POLR3E: variants seen among roughly 807,000 people sequenced by gnomAD.
The protein encoded by POLR3E is RNA polymerase III subunit E.
In POLR3E, 41 loss-of-function variants were observed where a neutral mutation model predicts 96.6. The ratio of observed to expected loss-of-function variants is 0.42; its 90% CI spans 0.33 to 0.55. The LOEUF (loss-of-function observed/expected upper bound fraction) is 0.55, where lower values mean the gene tolerates loss of function less well. POLR3E is among the 20% of genes least tolerant of loss of function. The probability of loss-of-function intolerance (pLI) is 0.06; values close to 1 mark genes in which losing one functional copy is unlikely to be tolerated. For synonymous variants in POLR3E, 396 were observed against 383.6 expected (o/e 1.03, Z -0.38); for missense variants, 849 against 952.1 (o/e 0.89, Z 1.43).
chr16:22,306,707 G>A (rs1485793508), intron 3 of POLR3E, among the ~76,000 whole-genome samples: 2 of 152,200 alleles, frequency 1.3e-5, no homozygotes, highest in Admixed American at 6.5e-5. Flanking sequence ...TTTTTATGAT[G>A]AACGTGAATT....
intron 16 of POLR3E, among the ~76,000 whole-genome samples, chr16:22,324,985 G>C (rs2048548730): frequency 6.6e-6 from 1 of 152,012 alleles, no homozygotes; most frequent in African/African-American, 2.4e-5. Flanking sequence ...CAAGAGCTGG[G>C]GCCTGGGGAC....
In POLR3E at chr16:22,332,146, A is replaced by T; in HGVS notation, c.2031A>T (p.Gly677=). The change falls in exon 20 of 21, where the codon GGA becomes GGT. Residue 677 remains glycine, a synonymous_variant. Coordinates refer to ENST00000299853, the MANE Select transcript of POLR3E (RefSeq NM_018119.4). ...MIQSRLTQEC[G]EDLSKQEVDK... is the part of the protein sequence containing the mutation. ...AGTCTCGGTTGACTCAAGAGTGTGG[A>T]GAAGATCTCAGTAAACAGGAGGTGG... The T allele has an allele frequency of 1.2e-6, 2 of 1,613,626 alleles. No individual in the cohort carries two copies. Among genetic ancestry groups the T allele is most frequent in the Non-Finnish European group, 1.7e-6 (2 of 1,179,542 alleles).
rs1567327037 is a variant in POLR3E, at chr16:22,324,612, C to T, written c.1238C>T (p.Pro413Leu). 6 of 1,613,788 alleles carry T rather than the reference C, an allele frequency of 3.7e-6. No individual in the cohort carries two copies. Among genetic ancestry groups the T allele is most frequent in the Non-Finnish European group, 4.2e-6 (5 of 1,179,918 alleles). The change falls in exon 16 of 21, where the codon CCG becomes CTG. Residue 413 changes from proline (P) to leucine (L), a missense_variant. By Grantham distance (98) the Pro-to-Leu change is moderately conservative (BLOSUM62 -3). Transcript: ENST00000299853. ...PYDGEFIKKHPDVVQRQHMLW... is the reference protein window; with the variant it reads ...PYDGEFIKKHLDVVQRQHMLW... ...GATGGGGAGTTCATCAAGAAGCACC[C>T]GGATGTGGTCCAGCGGCAGCACATG... is the stretch of plus-strand genomic sequence containing the variant.
chr16:22,323,607 T>G (rs1167363787), intron 14 of POLR3E, among the ~76,000 whole-genome samples: 1 of 152,124 alleles, frequency 6.6e-6, no homozygotes, highest in East Asian at 1.9e-4. Flanking sequence ...CTTCTCTTCC[T>G]GAAGGAGCCT....
intron 3 of POLR3E, chr16:22,305,426 A>G (rs1168374275): frequency 2.9e-6 from 2 of 694,204 alleles, no homozygotes; most frequent in South Asian, 3.0e-5. Flanking sequence ...TGCAGCAGTT[A>G]AAGCTGGGGC....
At position 22,328,512 on chromosome 16, in the gene POLR3E, T is replaced by TC. The variant is rs762338095; in HGVS notation, c.1876dup (p.Gln626ProfsTer8). 20 of 1,613,566 alleles carry TC rather than the reference T, an allele frequency of 1.2e-5. No homozygotes were observed. The highest frequency in any genetic ancestry group is 2.2e-5 in the East Asian group (1 of 44,846). On this transcript the variant is annotated frameshift_variant, in exon 19 of 21. Coordinates refer to ENST00000299853, the MANE Select transcript of POLR3E (RefSeq NM_018119.4). LOFTEE classifies it high-confidence loss of function. The stretch of plus-strand genomic sequence containing the variant: ...ACTCACCCCTGGGCCTTGGTCAGTT[T>TC]CCCCCCCAGACTGCTGCTTCCCCGG...
Position 22,322,556 on chromosome 16 carries a change from C to T in POLR3E, c.987-294C>T, listed in dbSNP as rs545408907. The stretch of plus-strand genomic sequence containing the variant: ...GGTCCCGGGCTGTTCCTCACCTTGT[C>T]TGTCTCTGAGCCCGTGACCTCTCCC... On this transcript the variant is annotated intron_variant, in intron 13 of 20. Coordinates refer to ENST00000299853, the MANE Select transcript of POLR3E (RefSeq NM_018119.4). The surrounding 1 kb of genome is among the most constrained non-coding windows in gnomAD (Gnocchi z 5.2). Among the ~76,000 whole-genome samples the T allele has an allele frequency of 6.9e-4, 105 of 152,246 alleles. No homozygotes were observed. Among genetic ancestry groups the T allele is most frequent in the African/African-American group, 2.5e-3 (102 of 41,554 alleles).
At chr16:22,329,868 G>T (rs1462584058) in intron 19 of POLR3E, among the ~76,000 whole-genome samples, 1 of 149,818 alleles carries the variant, frequency 6.7e-6, no homozygotes, top group Non-Finnish European at 1.5e-5. Context: ...GCCTCAAGCA[G>T]TTCTCCTGCC....
intron 19 of POLR3E, among the ~76,000 whole-genome samples, chr16:22,330,350 G>A (rs1286466068): frequency 2.0e-5 from 3 of 152,172 alleles, no homozygotes; most frequent in Non-Finnish European, 2.9e-5. Flanking sequence ...CTTCCAAAGT[G>A]CTGGGATTAC....
In POLR3E at chr16:22,318,823, C is replaced by T; in HGVS notation, c.866-3C>T. ...TGTCTGATGTCTCCTGCGTCCTCCT[C>T]AGTGAAGGTCATGCCTTTTGCCAAC... On this transcript the variant is annotated splice_polypyrimidine_tract_variant and splice_region_variant and intron_variant, in intron 12 of 20. Transcript: ENST00000299853. The surrounding 1 kb of genome is among the most constrained non-coding windows in gnomAD (Gnocchi z 5.0). The T allele has an allele frequency of 1.2e-6, 2 of 1,612,458 alleles. No individual in the cohort carries two copies. The highest frequency in any genetic ancestry group is 1.3e-5 in the African/African-American group (1 of 74,812).
chr16:22,297,589 C>G (rs1353086892), intron 1 of POLR3E, 52 bp downstream of exon 1: 1 of 152,470 alleles, frequency 6.6e-6, no homozygotes, highest in Non-Finnish European at 1.5e-5. Flanking sequence ...GGACCGCACT[C>G]ACGACGTGGG....
chr16:22,327,611 A>T (rs1167490862), intron 18 of POLR3E: 1 of 152,028 alleles, frequency 6.6e-6, no homozygotes, highest in African/African-American at 2.4e-5. Flanking sequence ...TGACAAGGAG[A>T]CTGTATTGTA....
rs556801821 is a variant in POLR3E, at chr16:22,308,276, G to A, written c.165+51G>A. On this transcript the variant is annotated intron_variant, in intron 4 of 20. Coordinates refer to ENST00000299853, the MANE Select transcript of POLR3E (RefSeq NM_018119.4). ...GGGGCCGAAAGAGAGGGTGATGAGG[G>A]TGGGAGCTGGTGGAGGCGAGAAGCT... 6.5e-6 allele frequency: 9 copies of A among 1,390,732 alleles called. No homozygotes were observed. The East Asian group carries it at 1.1e-4, about 18-fold the overall frequency. 86.1% of individuals were successfully genotyped at this position (1,390,732 alleles called of 1,614,324 possible).
chr16:22,323,822 C>T (rs996526226), intron 14 of POLR3E, among the ~76,000 whole-genome samples: 2 of 152,222 alleles, frequency 1.3e-5, no homozygotes, highest in Admixed American at 1.3e-4. Flanking sequence ...TCTATGTTAG[C>T]GTAGGTGATA....
chr16:22,325,153 G>A, intron 16 of POLR3E, 52 bp from the exon 17 acceptor site: 2 of 1,377,704 alleles, frequency 1.5e-6, no homozygotes, highest in South Asian at 2.3e-5. Context: ...CTCTTGTGAA[G>A]CAGATGGTAG....
In POLR3E at chr16:22,322,272, G is replaced by A. The variant is rs2048485806; in HGVS notation, c.987-578G>A. On this transcript the variant is annotated intron_variant, in intron 13 of 20. Coordinates refer to ENST00000299853, the MANE Select transcript of POLR3E (RefSeq NM_018119.4). This position sits in a 1 kb window ranked among gnomAD's most constrained non-coding sequence, Gnocchi z 5.2. ...AGCCGGGGTTGCAGGGCCTGTGGCT[G>A]GAGCTGGGTCAGGGCTACACTCTGG... Among the ~76,000 whole-genome samples the A allele has an allele frequency of 6.6e-6, 1 of 152,180 alleles. No homozygotes were observed.
At chr16:22,331,230 C>T (rs546091464) in intron 19 of POLR3E, among the ~76,000 whole-genome samples, 56 of 152,130 alleles carry the variant, frequency 3.7e-4, no homozygotes, top group African/African-American at 1.3e-3. Context: ...CCGCCTGCCT[C>T]GGTCTCCCCA....
chr16:22,299,657 G>T (rs1303235789), intron 1 of POLR3E, among the ~76,000 whole-genome samples: 1 of 151,740 alleles, frequency 6.6e-6, no homozygotes, highest in Non-Finnish European at 1.5e-5. Flanking sequence ...CAGGTGATCC[G>T]CCTGCCTCGG....
intron 17 of POLR3E, 24 bp downstream of exon 17, chr16:22,325,290 G>C: frequency 6.3e-7 from 1 of 1,595,042 alleles, no homozygotes; most frequent in Non-Finnish European, 8.6e-7. Flanking sequence ...TTTGGGCTGG[G>C]AGGCCCCGGC....
Sources: allele counts gnomAD v4.1 joint callset (sites outside exome capture counted in the v4.1 genomes callset), GRCh38; gene constraint gnomAD v4.1.1; non-coding constraint Gnocchi (gnomAD v3.1); transcripts MANE v1.5; gene names NCBI Gene and HGNC (gene_info 2026-07-23, HGNC 2026-07-21).